The following C1QTNF5 variants were observed in gnomAD, a reference collection of about 807,000 sequenced individuals.
C1QTNF5 encodes the protein complement C1q tumor necrosis factor-related protein 5.
In C1QTNF5, 5 loss-of-function variants were observed where a neutral mutation model predicts 10.9. The observed-to-expected ratio is 0.46, with a 90% CI of 0.24 to 0.97. C1QTNF5 has a LOEUF of 0.97. C1QTNF5 is among the 50% of genes least tolerant of loss of function. The pLI is 0.19. For missense variants in C1QTNF5, 281 were observed against 339.4 expected (o/e 0.83, Z 1.35); for synonymous variants, 161 against 156.5 (o/e 1.03, Z -0.22).
upstream of C1QTNF5, chr11:119,341,124 G>C: frequency 4.5e-6 from 1 of 221,396 alleles, no homozygotes; most frequent in Non-Finnish European, 9.1e-6. Flanking sequence ...GCAGAGAGAT[G>C]AGGGTGGAGA....
chr11:119,343,064 C>G, upstream of C1QTNF5: 3 of 1,548,914 alleles, frequency 1.9e-6, no homozygotes, highest in Non-Finnish European at 2.6e-6. Flanking sequence ...GGCACTGCAG[C>G]CTCCCACAGG....
At chr11:119,345,311 GTC>G, upstream of C1QTNF5, 1 of 1,152,766 alleles carries the variant, frequency 8.7e-7, no homozygotes, top group Non-Finnish European at 1.3e-6. Flanking sequence ...CAGAGGTCTA[GTC>G]TCTCAATTTC....
chr11:119,346,492 T>C, the C1QTNF5 span: 2 of 1,614,126 alleles, frequency 1.2e-6, no homozygotes, highest in East Asian at 4.5e-5. Context: ...ATGCAGAGGA[T>C]GACATCTGAG....
upstream of C1QTNF5, chr11:119,344,318 T>C (rs896038961): frequency 1.2e-6 from 2 of 1,613,704 alleles, no homozygotes; most frequent in African/African-American, 2.7e-5. Context: ...TGCTTACCAG[T>C]TGGTGAGGGT....
chr11:119,341,641 G>A (rs772859907), upstream of C1QTNF5: 1 of 1,612,986 alleles, frequency 6.2e-7, no homozygotes, highest in Non-Finnish European at 8.5e-7. Flanking sequence ...GGCCAGACTG[G>A]CACTGGTGCT....
chr11:119,345,992 G>C, the C1QTNF5 span: 1 of 1,613,034 alleles, frequency 6.2e-7, no homozygotes, highest in Admixed American at 1.7e-5. Flanking sequence ...TGGGAGAGCG[G>C]CTCATGGAGT....
At chr11:119,345,531 G>C, upstream of C1QTNF5, 1 of 1,614,094 alleles carries the variant, frequency 6.2e-7, no homozygotes, top group African/African-American at 1.3e-5. Flanking sequence ...ATGGTCTGTG[G>C]CCACCTGGAT....
upstream of C1QTNF5, chr11:119,344,839 G>C (rs567922240): frequency 6.2e-7 from 1 of 1,613,490 alleles, no homozygotes; most frequent in South Asian, 1.1e-5. Flanking sequence ...GGGGAAGAAA[G>C]TGGACACTCA....
At chr11:119,343,959 G>A (rs757803919), upstream of C1QTNF5, 1 of 1,612,704 alleles carries the variant, frequency 6.2e-7, no homozygotes, top group South Asian at 1.1e-5. Context: ...TATGCCAGGT[G>A]CAGAGCTGGG....
upstream of C1QTNF5, chr11:119,344,078 T>A: frequency 7.2e-7 from 1 of 1,388,108 alleles, no homozygotes; most frequent in South Asian, 1.2e-5. Context: ...GGTGCTTTCA[T>A]CATTGGTGGT....
Position 119,339,826 on chromosome 11 carries a change from G to T in C1QTNF5, c.237C>A (p.Asp79Glu). The change falls in exon 3 of 3, where the codon GAC becomes GAA. Residue 79 changes from aspartate to glutamate, a missense_variant. Physicochemically the swap from Asp to Glu is conservative, Grantham distance 45 (BLOSUM62 2). Coordinates refer to ENST00000528368, the MANE Select transcript of C1QTNF5 (RefSeq NM_001278431.2). This position sits in a 1 kb window ranked among gnomAD's most constrained non-coding sequence, Gnocchi z 5.4. ...GRPGLPGPRG[D>E]PGPRGEAGPA... Reference sequence around the variant, plus strand: ...GTCCCGCCTCTCCTCGCGGCCCGGGGTCCCCTCGAGGTCCCGGCAGTCCTG... The same window carrying T: ...GTCCCGCCTCTCCTCGCGGCCCGGGTTCCCCTCGAGGTCCCGGCAGTCCTG... 1 of 1,510,700 alleles carries T rather than the reference G, an allele frequency of 6.6e-7. No homozygotes were observed. The allele number at this position is 1,510,700 out of a possible 1,614,324, so 93.6% of individuals were successfully genotyped here. A position where few individuals can be genotyped will look rare whatever the true frequency, so the allele number is the denominator to read the frequency against.
chr11:119,344,360 G>A (rs764011743), upstream of C1QTNF5: 9 of 1,614,004 alleles, frequency 5.6e-6, no homozygotes, highest in Non-Finnish European at 7.6e-6. Context: ...TAGAGAAAGT[G>A]CCCTGGAGGC....
upstream of C1QTNF5, chr11:119,344,884 GGCCATA>G (rs1158033507): frequency 6.2e-7 from 1 of 1,613,016 alleles, no homozygotes; most frequent in Non-Finnish European, 8.5e-7. Context: ...CGCGCCCAGG[GGCCATA>G]GCCTGGTACC....
upstream of C1QTNF5, chr11:119,344,210 C>T: frequency 8.5e-7 from 1 of 1,179,024 alleles, no homozygotes. Flanking sequence ...CTCTGACCTT[C>T]CCAAGTAGAA....
upstream of C1QTNF5, chr11:119,343,825 A>G (rs527368780): frequency 3.7e-6 from 6 of 1,613,900 alleles, no homozygotes; most frequent in East Asian, 6.7e-5. Flanking sequence ...CCTGCCCAGG[A>G]GGCTGAAGGC....
At chr11:119,341,606 G>A (rs781100758), upstream of C1QTNF5, 21 of 1,612,832 alleles carry the variant, frequency 1.3e-5, no homozygotes, top group South Asian at 1.1e-5. Context: ...GCAGTTGAAG[G>A]GCCAGGGGGT....
In C1QTNF5 at chr11:119,339,700, T is replaced by G. The variant is rs748926370; in HGVS notation, c.363A>C (p.Ala121=). ...CCAGCACGCGGTCGAAGGGCAAGGG[T>G]GCGTCAGACGGCGGAGGCACCCGGC... The part of the protein sequence containing the change: ...SESRVPPPSD[A]PLPFDRVLVN... Residue 121 remains alanine, a synonymous_variant, in exon 3 of 3, where the codon GCA becomes GCC. Transcript: ENST00000528368. The surrounding 1 kb of genome is among the most constrained non-coding windows in gnomAD (Gnocchi z 5.4). 6.2e-7 allele frequency: 1 copy of G among 1,606,638 alleles called. No homozygotes were observed. The highest frequency in any genetic ancestry group is 1.3e-5 in the African/African-American group (1 of 74,856).
chr11:119,344,380 T>G (rs1950536652), upstream of C1QTNF5: 1 of 1,613,640 alleles, frequency 6.2e-7, no homozygotes, highest in Non-Finnish European at 8.5e-7. Context: ...CCAGTCAGAT[T>G]CCCCCCACAC....
intron 2 of C1QTNF5, 112 bp downstream of exon 2, chr11:119,340,072 G>T: frequency 7.5e-7 from 1 of 1,337,780 alleles, no homozygotes; most frequent in Non-Finnish European, 9.8e-7. Flanking sequence ...GCTGCAAAGC[G>T]CGGGGAGTGG....
Sources: allele counts gnomAD v4.1 joint callset, GRCh38; gene constraint gnomAD v4.1.1; non-coding constraint Gnocchi (gnomAD v3.1); transcripts MANE v1.5; gene names NCBI Gene and HGNC (gene_info 2026-07-23, HGNC 2026-07-21).